Variants in ABTB2 observed in about 807,000 individuals in gnomAD.
The protein encoded by ABTB2 is ankyrin repeat and BTB/POZ domain-containing protein 2.
ABTB2 carries 56 observed loss-of-function variants against 104.1 expected under a neutral mutation model. The ratio of observed to expected loss-of-function variants is 0.54; its 90% CI spans 0.43 to 0.67. ABTB2 has a LOEUF of 0.67. Ranked by LOEUF, ABTB2 falls within the 30% of genes least tolerant of loss-of-function variation. ABTB2 has a pLI of 0.00. For missense variants in ABTB2, 1,279 were observed against 1,407.7 expected, an observed-to-expected ratio of 0.91 and a Z score of 1.46; for synonymous variants, 606 against 608.2, an observed-to-expected ratio of 1.00 and a Z score of 0.05.
chr11:34,293,230 G>A (rs183720573), intron 1 of ABTB2, among the ~76,000 whole-genome samples: 9 of 152,186 alleles, frequency 5.9e-5, no homozygotes, highest in Admixed American at 3.3e-4. Context: ...TCGAGGGGGG[G>A]CCCAGGGAGA....
At chr11:34,238,265 C>A (rs1315597934) in intron 1 of ABTB2, among the ~76,000 whole-genome samples, 1 of 152,140 alleles carries the variant, frequency 6.6e-6, no homozygotes, top group East Asian at 1.9e-4. Flanking sequence ...CCCTCACGAC[C>A]TTCAGGGCTT....
In ABTB2 at chr11:34,308,109, CG is replaced by C. The variant is rs141006765; in HGVS notation, c.883+48591del. ...TGTCTGGGCCTCCTCATCTGCAAAA[CG>C]GGGATAACAACAGTAGCTCCGACCT... On this transcript the variant is annotated intron_variant, in intron 1 of 16. Coordinates refer to ENST00000435224, the MANE Select transcript of ABTB2 (RefSeq NM_145804.3). Among the ~76,000 whole-genome samples, 546 of 152,276 alleles carry C rather than the reference CG, an allele frequency of 3.6e-3. 1 individual carries two copies. The highest frequency in any genetic ancestry group is 0.011 in the African/African-American group (473 of 41,552).
At chr11:34,341,965 T>C (rs150901137) in intron 1 of ABTB2, among the ~76,000 whole-genome samples, 23 of 152,246 alleles carry the variant, frequency 1.5e-4, no homozygotes, top group African/African-American at 5.5e-4. Context: ...TTAGGAAAGG[T>C]TGCCACATTT....
At chr11:34,217,929 T>A (rs1047936846) in intron 1 of ABTB2, among the ~76,000 whole-genome samples, 3 of 152,234 alleles carry the variant, frequency 2.0e-5, no homozygotes, top group African/African-American at 7.2e-5. Flanking sequence ...TTGTTCCACA[T>A]CCTCACCAGC....
intron 1 of ABTB2, among the ~76,000 whole-genome samples, chr11:34,338,796 C>T (rs1279421971): frequency 6.6e-6 from 1 of 152,178 alleles, no homozygotes; most frequent in Non-Finnish European, 1.5e-5. Flanking sequence ...ATGTTATTTT[C>T]AAAACTTATT....
At chr11:34,229,726 T>TA (rs1315339167) in intron 1 of ABTB2, among the ~76,000 whole-genome samples, 7 of 152,152 alleles carry the variant, frequency 4.6e-5, no homozygotes, top group Admixed American at 6.5e-5. Flanking sequence ...CAGAAAAATA[T>TA]AAAAAATACA....
At chr11:34,263,347 G>A (rs772605053) in intron 1 of ABTB2, among the ~76,000 whole-genome samples, 3 of 152,094 alleles carry the variant, frequency 2.0e-5, no homozygotes, top group Non-Finnish European at 4.4e-5. Context: ...AAATAAAATC[G>A]GCTTTTTATT....
intron 3 of ABTB2, among the ~76,000 whole-genome samples, 177 bp from the exon 4 acceptor site, chr11:34,173,484 G>A (rs1433528393): frequency 6.6e-6 from 1 of 152,076 alleles, no homozygotes; most frequent in Non-Finnish European, 1.5e-5. Context: ...CTCCCTGAAG[G>A]GCAGCAGGGG....
In ABTB2 at chr11:34,167,300, G is replaced by T; in HGVS notation, c.1714C>A (p.Leu572Met). 1 of 1,613,494 alleles carries T rather than the reference G, an allele frequency of 6.2e-7. No homozygotes were observed. Among genetic ancestry groups the T allele is most frequent in the Non-Finnish European group, 8.5e-7 (1 of 1,179,704 alleles). The change falls in exon 7 of 17, where the codon CTG (leucine) becomes ATG (methionine). Residue 572 changes from leucine to methionine, a missense_variant. Physicochemically the swap from Leu to Met is conservative, Grantham distance 15. Transcript: ENST00000435224. ...TGTCCATGCAGCACAGCGAATGTCA[G>T]TGAGGTCCAGTGCCGGCTGTCGGGG... ...IHPDSRHWTS[L>M]TFAVLHGHIS...
intron 1 of ABTB2, among the ~76,000 whole-genome samples, chr11:34,331,286 T>C (rs1855126418): frequency 6.6e-6 from 1 of 152,212 alleles, no homozygotes; most frequent in African/African-American, 2.4e-5. Flanking sequence ...CTTCAACTCA[T>C]GTAAGTATTG....
intron 1 of ABTB2, among the ~76,000 whole-genome samples, chr11:34,319,354 A>G (rs1564931585): frequency 6.6e-6 from 1 of 152,258 alleles, no homozygotes; most frequent in Non-Finnish European, 1.5e-5. Context: ...TGGCTTTATC[A>G]TAAAGGGGCA....
rs771773832 is a variant in ABTB2, at chr11:34,168,012, G to A, written c.1564-20C>T. 31 of 1,610,798 alleles carry A rather than the reference G, an allele frequency of 1.9e-5. No homozygotes were observed. The East Asian group carries it at 2.2e-4, about 12-fold the overall frequency. On this transcript the variant is annotated intron_variant, in intron 5 of 16. Transcript: ENST00000435224. Reference sequence around the variant, plus strand: ...CATACCCTGAGCAAATCAAATGCACGTGCTAAACTGTTTGCAAACAGAACA... The same window carrying A: ...CATACCCTGAGCAAATCAAATGCACATGCTAAACTGTTTGCAAACAGAACA...
chr11:34,353,352 G>A (rs71482809), intron 1 of ABTB2, among the ~76,000 whole-genome samples: 1 of 152,196 alleles, frequency 6.6e-6, no homozygotes, highest in African/African-American at 2.4e-5. Context: ...TCACCTATGG[G>A]AAGTGATGGG....
intron 1 of ABTB2, among the ~76,000 whole-genome samples, chr11:34,293,610 G>A (rs1462784895): frequency 6.7e-6 from 1 of 148,736 alleles, no homozygotes; most frequent in African/African-American, 2.6e-5. Context: ...GTGCCCAGCT[G>A]TGTCAAATGC....
At chr11:34,300,977 C>T (rs1432771222) in intron 1 of ABTB2, among the ~76,000 whole-genome samples, 1 of 152,144 alleles carries the variant, frequency 6.6e-6, no homozygotes, top group Non-Finnish European at 1.5e-5. Flanking sequence ...CATCTAGTTC[C>T]CGTGGGTAGA....
At chr11:34,332,875 G>A (rs760240035) in intron 1 of ABTB2, among the ~76,000 whole-genome samples, 8 of 152,126 alleles carry the variant, frequency 5.3e-5, no homozygotes, top group African/African-American at 9.7e-5. Context: ...GTGCGTTCAG[G>A]GAGTCACAGG....
chr11:34,154,867 G>T lies in ABTB2; in HGVS notation c.2698-98C>A. 8.4e-7 allele frequency: 1 copy of T among 1,195,714 alleles called. No individual in the cohort carries two copies. The highest frequency in any genetic ancestry group is 1.2e-6 in the Non-Finnish European group (1 of 819,900). 74.1% of individuals were successfully genotyped at this position (1,195,714 alleles called of 1,614,324 possible). On this transcript the variant is annotated intron_variant, in intron 14 of 16. Coordinates refer to ENST00000435224, the MANE Select transcript of ABTB2 (RefSeq NM_145804.3). The surrounding 1 kb of genome is among the most constrained non-coding windows in gnomAD (Gnocchi z 4.9). The stretch of plus-strand genomic sequence containing the variant: ...TACTGCTCCAGCTGCCGCCTCCAGG[G>T]GCCTGTCCCTCTGCAGGTCCCCAGC...
chr11:34,204,702 G>A lies in ABTB2; in HGVS notation c.884-12C>T. ...GAGGGAGAGGACACCTATGGGGAAA[G>A]AAGGCAGACAGGTCACACTTAGGAA... is the stretch of plus-strand genomic sequence containing the variant. On this transcript the variant is annotated splice_polypyrimidine_tract_variant and intron_variant, in intron 1 of 16. Coordinates refer to ENST00000435224, the MANE Select transcript of ABTB2 (RefSeq NM_145804.3). The A allele has an allele frequency of 6.2e-7, 1 of 1,609,340 alleles. No individual in the cohort carries two copies. The highest frequency in any genetic ancestry group is 8.5e-7 in the Non-Finnish European group (1 of 1,177,476).
At chr11:34,237,275 TC>T (rs374994339) in intron 1 of ABTB2, among the ~76,000 whole-genome samples, 7 of 147,912 alleles carry the variant, frequency 4.7e-5, no homozygotes, top group Admixed American at 2.7e-4. Flanking sequence ...TCCTGGATAT[TC>T]TTTTTTTTTT....
Sources: allele counts gnomAD v4.1 joint callset (sites outside exome capture counted in the v4.1 genomes callset), GRCh38; gene constraint gnomAD v4.1.1; non-coding constraint Gnocchi (gnomAD v3.1); transcripts MANE v1.5; gene names NCBI Gene and HGNC (gene_info 2026-07-23, HGNC 2026-07-21).